Variants in CFAP46 observed in about 807,000 individuals in gnomAD.
CFAP46 encodes the protein cilia- and flagella-associated protein 46.
CFAP46 carries 245 observed loss-of-function variants against 325.7 expected under a neutral mutation model. That is an observed-to-expected ratio of 0.75 (90% CI 0.68 to 0.84). The LOEUF (loss-of-function observed/expected upper bound fraction) is 0.84, where lower values mean the gene tolerates loss of function less well. Among genes scored for constraint, CFAP46 ranks in the 40% least tolerant of loss-of-function variants. The pLI, the probability that CFAP46 is intolerant of heterozygous loss-of-function variation, is 0.00. For synonymous variants in CFAP46, 1,523 were observed against 1,495.9 expected, an observed-to-expected ratio of 1.02 and a Z score of -0.42; for missense variants, 3,346 against 3,543.0, an observed-to-expected ratio of 0.94 and a Z score of 1.41.
chr10:132,810,581 G>T (rs534575012), intron 56 of CFAP46, 92 bp from the exon 57 acceptor site: 2 of 1,137,432 alleles, frequency 1.8e-6, no homozygotes, highest in African/African-American at 1.5e-5. Flanking sequence ...AGGGGCCCAC[G>T]CACTTTCCCA....
chr10:132,823,756 CTGTG>C (rs1262066978), intron 50 of CFAP46, among the ~76,000 whole-genome samples: 3 of 96,626 alleles, frequency 3.1e-5, no homozygotes, highest in Non-Finnish European at 6.6e-5. Flanking sequence ...CTGATGTGTG[CTGTG>C]TGTGTGCTGT....
intron 24 of CFAP46, among the ~76,000 whole-genome samples, chr10:132,897,006 C>T (rs1849329223): frequency 6.6e-6 from 1 of 152,218 alleles, no homozygotes; most frequent in South Asian, 2.1e-4. Flanking sequence ...AGACCATTCA[C>T]TAGGGAAAGC....
intron 22 of CFAP46, among the ~76,000 whole-genome samples, chr10:132,907,515 T>G (rs1247626232): frequency 6.6e-6 from 1 of 152,230 alleles, no homozygotes. Context: ...GCCATTTTCT[T>G]TCATTGAAAT....
rs996924293 is a variant in CFAP46 at position 132,886,373 on chromosome 10, T to C, written c.3305-414A>G. On this transcript the variant is annotated intron_variant, in intron 25 of 57. Coordinates refer to ENST00000368586, the MANE Select transcript of CFAP46 (RefSeq NM_001200049.3). The surrounding 1 kb of genome is among the most constrained non-coding windows in gnomAD (Gnocchi z 5.8). ...CCACGTGCACGCTCGGGAGTCCTCA[T>C]GCTTGGTGCCCGCAGCACGGGAACA... is the stretch of plus-strand genomic sequence containing the variant. Among the ~76,000 whole-genome samples, 1 of 152,152 alleles carries C rather than the reference T, an allele frequency of 6.6e-6. No individual in the cohort carries two copies. Among genetic ancestry groups the C allele is most frequent in the Non-Finnish European group, 1.5e-5 (1 of 68,014 alleles).
chr10:132,885,324 G>A (rs774207694), intron 26 of CFAP46, 38 bp from the exon 27 acceptor site: 118 of 1,513,772 alleles, frequency 7.8e-5, no homozygotes, highest in Middle Eastern at 3.7e-4. Context: ...CGTCAGGATC[G>A]GGTGGCAGAA....
chr10:132,814,055 G>A lies in CFAP46; in HGVS notation c.7388+97C>T, dbSNP rs997116653. The A allele has an allele frequency of 1.1e-5, 10 of 878,236 alleles. No homozygotes were observed. In the South Asian group the frequency reaches 1.3e-4, roughly 12 times the overall value. The allele number at this position is 878,236 out of a possible 1,614,324, so 54.4% of individuals were successfully genotyped here. A position where few individuals can be genotyped will look rare whatever the true frequency, so the allele number is the denominator to read the frequency against. On this transcript the variant is annotated intron_variant, in intron 54 of 57. Coordinates refer to ENST00000368586, the MANE Select transcript of CFAP46 (RefSeq NM_001200049.3). ...ATGCTGTATGTGGCAGGACTGGCAG[G>A]GCAGACCCAGGGAGCCGGGGGTAGG... is the stretch of plus-strand genomic sequence containing the variant.
chr10:132,831,747 GT>G (rs934204191), intron 50 of CFAP46, among the ~76,000 whole-genome samples: 7 of 152,076 alleles, frequency 4.6e-5, no homozygotes, highest in African/African-American at 1.4e-4. Context: ...ATATGGTTGG[GT>G]TGAAATATAC....
In CFAP46 at chr10:132,918,461, C is replaced by T. The variant is rs921415540; in HGVS notation, c.1918G>A (p.Val640Ile). 1.7e-5 allele frequency: 26 copies of T among 1,548,710 alleles called. No individual in the cohort carries two copies. The highest frequency in any genetic ancestry group is 9.8e-5 in the East Asian group (4 of 40,852). ...TCGGGGCACACCTGCCTCTGCAGGA[C>T]GACCTCAGGCTGGCTCCAGGTGTCC... ...VQDTWSQPEVVLQRQVCPDLL... is the reference protein window; with the variant it reads ...VQDTWSQPEVILQRQVCPDLL... The change falls in exon 16 of 58, where the codon GTC (valine) becomes ATC (isoleucine). Residue 640 changes from valine to isoleucine, a missense_variant. Transcript: ENST00000368586.
chr10:132,838,688 T>C (rs7091501), intron 44 of CFAP46, among the ~76,000 whole-genome samples: 14,105 of 152,326 alleles, frequency 0.093, 1,842 homozygotes, highest in African/African-American at 0.29. Flanking sequence ...ATGGGGGTCA[T>C]GAGCGATGCT....
intron 11 of CFAP46, 31 bp from the exon 12 acceptor site, chr10:132,922,739 G>T: frequency 6.6e-7 from 1 of 1,512,846 alleles, no homozygotes. Context: ...CAGGGGCCCT[G>T]GCGGCGCTGC....
chr10:132,864,395 C>T (rs1427828806), intron 35 of CFAP46, among the ~76,000 whole-genome samples: 2 of 117,006 alleles, frequency 1.7e-5, no homozygotes, highest in Admixed American at 8.2e-5. Context: ...CCTGCACACA[C>T]CTGTCCCCAG....
At chr10:132,930,606 C>T (rs1460458694) in intron 8 of CFAP46, among the ~76,000 whole-genome samples, 16 of 128,534 alleles carry the variant, frequency 1.2e-4, no homozygotes, top group African/African-American at 3.9e-4. Flanking sequence ...CCCACACTCC[C>T]CACACAGAGC....
intron 39 of CFAP46, among the ~76,000 whole-genome samples, chr10:132,856,863 AT>A (rs1848649535): frequency 6.6e-6 from 1 of 152,110 alleles, no homozygotes; most frequent in Non-Finnish European, 1.5e-5. Flanking sequence ...TCTGGTGGGC[AT>A]TTCTGCATTC....
chr10:132,835,482 G>A lies in CFAP46; in HGVS notation c.6614-48C>T, dbSNP rs367966140. 1.9e-6 allele frequency: 3 copies of A among 1,610,320 alleles called. No individual in the cohort carries two copies. In the African/African-American group the frequency reaches 4.0e-5, roughly 21 times the overall value. ...TCTGTCGCTGCCCAGGGCTGAGGAT[G>A]GCAGCTGGACCGTGCATGGTGAGCA... On this transcript the variant is annotated intron_variant, in intron 46 of 57. Transcript: ENST00000368586.
At chr10:132,818,498 A>C (rs1847736186) in intron 50 of CFAP46, among the ~76,000 whole-genome samples, 1 of 152,164 alleles carries the variant, frequency 6.6e-6, no homozygotes, top group African/African-American at 2.4e-5. Context: ...CAAGGCAAGG[A>C]AGCCCACTCT....
intron 44 of CFAP46, among the ~76,000 whole-genome samples, chr10:132,844,482 G>A (rs1412456371): frequency 6.6e-6 from 1 of 152,166 alleles, no homozygotes. Context: ...AGGCTGCTGC[G>A]GTGGGCCTGC....
rs540014304 is a variant in CFAP46, at chr10:132,862,364, G to C, written c.4891-1382C>G. ...GCGGGCAGGGGCTTCCACATGGAGA[G>C]GAGGAGGGTGCGGAGGTGGGACAGA... On this transcript the variant is annotated intron_variant, in intron 35 of 57. Coordinates refer to ENST00000368586, the MANE Select transcript of CFAP46 (RefSeq NM_001200049.3). Among the ~76,000 whole-genome samples, 41 of 151,898 alleles carry C rather than the reference G, an allele frequency of 2.7e-4. No individual in the cohort carries two copies. The South Asian group carries it at 5.4e-3, about 20-fold the overall frequency.
intron 39 of CFAP46, among the ~76,000 whole-genome samples, chr10:132,852,419 C>G (rs1848570753): frequency 7.4e-6 from 1 of 135,820 alleles, no homozygotes; most frequent in Admixed American, 7.4e-5. Context: ...GTATGTTCCT[C>G]CATTTACTTA....
At position 132,812,831 on chromosome 10, in the gene CFAP46, G is replaced by A. The variant is rs1315144065; in HGVS notation, c.7455C>T (p.Phe2485=). Residue 2485 remains phenylalanine, a synonymous_variant, in exon 55 of 58, where the codon TTC becomes TTT. Coordinates refer to ENST00000368586, the MANE Select transcript of CFAP46 (RefSeq NM_001200049.3). ...ATCTCTCCACTAATATATGGGACAG[G>A]AAGCTCTCCATTCCATAGAAGAAGA... ...SGFFFYGMES[F]LSHILVERLV... 2.5e-6 allele frequency: 4 copies of A among 1,612,234 alleles called. No homozygotes were observed. The highest frequency in any genetic ancestry group is 2.5e-6 in the Non-Finnish European group (3 of 1,179,816).
Sources: gnomAD v4.1 joint callset for allele counts (sites outside exome capture counted in the v4.1 genomes callset) on GRCh38, gnomAD v4.1.1 for gene constraint, Gnocchi (gnomAD v3.1) non-coding constraint, MANE v1.5 for transcripts, NCBI Gene and HGNC (gene_info 2026-07-23, HGNC 2026-07-21) for gene names.